FTO: variants seen among roughly 807,000 people sequenced by gnomAD.
FTO encodes alpha-ketoglutarate-dependent dioxygenase FTO.
In FTO, 47 loss-of-function variants were observed where a neutral mutation model predicts 63.9. The observed-to-expected ratio is 0.74, with a 90% CI of 0.58 to 0.94. The LOEUF (loss-of-function observed/expected upper bound fraction) is 0.94, where lower values mean the gene tolerates loss of function less well. FTO is among the 40% of genes least tolerant of loss of function. FTO has a pLI of 0.00. For synonymous variants in FTO, 207 were observed against 224.4 expected (o/e 0.92, Z 0.69); for missense variants, 562 against 618.1 (o/e 0.91, Z 0.96).
chr16:54,104,533 G>A (rs1416166630), intron 8 of FTO, among the ~76,000 whole-genome samples: 1 of 151,950 alleles, frequency 6.6e-6, no homozygotes, highest in Non-Finnish European at 1.5e-5. Flanking sequence ...GGCTGGTCTC[G>A]AACTCCTGAC....
intron 4 of FTO, among the ~76,000 whole-genome samples, chr16:53,855,967 C>A (rs16952594): frequency 0.05 from 7,624 of 152,040 alleles, 447 homozygotes; most frequent in African/African-American, 0.12. Context: ...TTAGAGTCAC[C>A]CTGTTTTGGG....
At chr16:54,024,265 C>T (rs1399606164) in intron 8 of FTO, among the ~76,000 whole-genome samples, 2 of 152,162 alleles carry the variant, frequency 1.3e-5, no homozygotes, top group African/African-American at 4.8e-5. Flanking sequence ...CACTCTGTCA[C>T]CAGGCTGGAG....
At chr16:54,068,465 A>G (rs1466197306) in intron 8 of FTO, among the ~76,000 whole-genome samples, 3 of 152,114 alleles carry the variant, frequency 2.0e-5, no homozygotes, top group Non-Finnish European at 2.9e-5. Context: ...GAGAAGGATC[A>G]TTGTTTTCTG....
rs553919696 is a variant in FTO at position 53,776,294 on chromosome 16, G to A, written c.46-33846G>A. On this transcript the variant is annotated intron_variant, in intron 1 of 8. Transcript: ENST00000471389. ...CAATGGAATTTGTCTGTGGTTTCTT[G>A]CCAGCGAGGAGGAGGAAGAAGGATT... 3.9e-5 allele frequency among the ~76,000 whole-genome samples: 6 copies of A among 152,284 alleles called. No homozygotes were observed. The South Asian group carries it at 1.0e-3, about 26-fold the overall frequency.
intron 4 of FTO, among the ~76,000 whole-genome samples, chr16:53,863,529 T>C (rs941813927): frequency 6.6e-6 from 1 of 152,194 alleles, no homozygotes; most frequent in Non-Finnish European, 1.5e-5. Context: ...CCATGGTAGG[T>C]TTTGGCCCAC....
intron 2 of FTO, among the ~76,000 whole-genome samples, chr16:53,815,722 C>T (rs1475974859): frequency 1.4e-5 from 2 of 141,166 alleles, no homozygotes; most frequent in African/African-American, 5.5e-5. Context: ...GGTCTTGGCT[C>T]ACTGTAACCT....
chr16:53,758,732 C>G (rs1043969538), intron 1 of FTO, among the ~76,000 whole-genome samples: 2 of 151,926 alleles, frequency 1.3e-5, no homozygotes, highest in Non-Finnish European at 1.5e-5. Flanking sequence ...CCCAGAGGAA[C>G]AGGAAAATGT....
At chr16:53,761,973 G>A (rs1301838310) in intron 1 of FTO, among the ~76,000 whole-genome samples, 1 of 152,212 alleles carries the variant, frequency 6.6e-6, no homozygotes, top group African/African-American at 2.4e-5. Context: ...AATGTAACAA[G>A]TAGACTTTGG....
At chr16:54,054,991 T>G (rs907522047) in intron 8 of FTO, among the ~76,000 whole-genome samples, 8 of 152,152 alleles carry the variant, frequency 5.3e-5, no homozygotes, top group African/African-American at 1.9e-4. Flanking sequence ...GAACTCAGGG[T>G]GCATTATTTA....
chr16:53,835,380 T>C (rs545931380), intron 3 of FTO, among the ~76,000 whole-genome samples: 7 of 152,322 alleles, frequency 4.6e-5, no homozygotes, highest in African/African-American at 1.7e-4. Flanking sequence ...CTACAATGTT[T>C]TCTTCAGAAA....
chr16:53,823,149 G>A (rs555933865), intron 2 of FTO, among the ~76,000 whole-genome samples: 20 of 152,206 alleles, frequency 1.3e-4, no homozygotes, highest in African/African-American at 3.9e-4. Flanking sequence ...GAGATTGCTC[G>A]TGTCATTGCC....
chr16:53,860,881 A>AGCACACAC (rs540501345), intron 4 of FTO, among the ~76,000 whole-genome samples: 127 of 145,834 alleles, frequency 8.7e-4, no homozygotes, highest in African/African-American at 3.0e-3. Flanking sequence ...AAATGTTTTT[A>AGCACACAC]ACACACACAC....
intron 8 of FTO, among the ~76,000 whole-genome samples, chr16:54,101,045 G>A (rs1184425713): frequency 6.6e-6 from 1 of 152,100 alleles, no homozygotes; most frequent in Non-Finnish European, 1.5e-5. Context: ...TGACCTCCTG[G>A]AGGTACGATC....
intron 8 of FTO, among the ~76,000 whole-genome samples, chr16:53,996,087 G>A (rs1416108929): frequency 6.6e-6 from 1 of 152,188 alleles, no homozygotes; most frequent in Non-Finnish European, 1.5e-5. Context: ...ACAGGTAGGA[G>A]GACAAAAGTG....
rs57925273 is a variant in FTO at position 53,950,155 on chromosome 16, T to TAAAAA, written c.1364+16066_1364+16070dup. 6.3e-3 allele frequency among the ~76,000 whole-genome samples: 318 copies of TAAAAA among 50,584 alleles called. 28 individuals carry two copies. Among genetic ancestry groups the TAAAAA allele is most frequent in the Non-Finnish European group, 9.5e-3 (214 of 22,560 alleles). The allele number at this position is 50,584 out of a possible 152,430, so 33.2% of individuals were successfully genotyped here. On this transcript the variant is annotated intron_variant, in intron 8 of 8. Coordinates refer to ENST00000471389, the MANE Select transcript of FTO (RefSeq NM_001080432.3). ...GGAAAAAAAAAGATATTCACATTTG[T>TAAAAA]AAAAAAAAAAAAAAAAAAAAAAAAC... is the stretch of plus-strand genomic sequence containing the variant.
chr16:53,795,244 T>C (rs565991264), intron 1 of FTO, among the ~76,000 whole-genome samples: 86 of 152,216 alleles, frequency 5.6e-4, no homozygotes, highest in African/African-American at 1.9e-3. Context: ...TAGAAGAGAA[T>C]ACTAAGGAAT....
chr16:54,036,348 G>A (rs778052714), intron 8 of FTO, among the ~76,000 whole-genome samples: 31 of 152,182 alleles, frequency 2.0e-4, no homozygotes, highest in South Asian at 4.2e-4. Context: ...TGTTCATTAC[G>A]GCTGGATTGA....
At chr16:53,713,665 CAT>C (rs1315454817) in intron 1 of FTO, among the ~76,000 whole-genome samples, 6 of 152,216 alleles carry the variant, frequency 3.9e-5, no homozygotes, top group African/African-American at 1.4e-4. Context: ...TAAGCCATCA[CAT>C]GTTTGAAAGT....
intron 8 of FTO, among the ~76,000 whole-genome samples, chr16:53,939,810 C>G (rs142987393): frequency 6.6e-6 from 1 of 152,130 alleles, no homozygotes; most frequent in African/African-American, 2.4e-5. Context: ...TTTTTTACTG[C>G]TGAATAATAT....
Sources: gnomAD v4.1 joint callset for allele counts (sites outside exome capture counted in the v4.1 genomes callset) on GRCh38, gnomAD v4.1.1 for gene constraint, MANE v1.5 for transcripts, NCBI Gene and HGNC (gene_info 2026-07-23, HGNC 2026-07-21) for gene names.